The following ANK3 variants were observed in gnomAD, a reference collection of about 807,000 sequenced individuals.
ANK3 encodes the protein ankyrin 3.
Under a neutral mutation model 370.9 loss-of-function variants are expected in ANK3, and 57 were observed. The ratio of observed to expected loss-of-function variants is 0.15; its 90% CI spans 0.12 to 0.19. The LOEUF is 0.19. Ranked by LOEUF, ANK3 falls within the 10% of genes least tolerant of loss-of-function variation. The pLI is 1.00. For missense variants in ANK3, 4,439 were observed against 5,302.1 expected, an observed-to-expected ratio of 0.84 and a Z score of 5.06; for synonymous variants, 1,929 against 1,946.3, an observed-to-expected ratio of 0.99 and a Z score of 0.23.
chr10:60,053,703 T>C (rs2131904752), intron 42 of ANK3: 1 of 1,304,056 alleles, frequency 7.7e-7, no homozygotes, highest in South Asian at 1.2e-5. Flanking sequence ...GTCATCCGTG[T>C]AGGAGCCGCA....
chr10:60,537,488 GT>G (rs1351306745), intron 2 of ANK3, among the ~76,000 whole-genome samples: 5 of 151,814 alleles, frequency 3.3e-5, no homozygotes, highest in African/African-American at 4.8e-5. Flanking sequence ...GGATTAAGTG[GT>G]GGGATTAAGT....
intron 2 of ANK3, among the ~76,000 whole-genome samples, chr10:60,492,760 C>T (rs527974029): frequency 5.3e-4 from 74 of 140,072 alleles, no homozygotes; most frequent in Non-Finnish European, 8.7e-4. Context: ...AATGGCACTG[C>T]GTGTTTGGGG....
At chr10:60,079,218 CA>C (rs1270982286) in intron 36 of ANK3, among the ~76,000 whole-genome samples, 12 of 146,862 alleles carry the variant, frequency 8.2e-5, no homozygotes, top group Admixed American at 6.1e-4. Flanking sequence ...CACACACACA[CA>C]CACACACCCC....
chr10:60,192,531 A>G (rs2096506559), intron 16 of ANK3, among the ~76,000 whole-genome samples: 1 of 152,150 alleles, frequency 6.6e-6, no homozygotes, highest in Non-Finnish European at 1.5e-5. Context: ...AAAAAAGAAT[A>G]AAATTATGTC....
chr10:60,415,732 T>C (rs1266815676), intron 2 of ANK3, among the ~76,000 whole-genome samples: 1 of 152,162 alleles, frequency 6.6e-6, no homozygotes, highest in African/African-American at 2.4e-5. Flanking sequence ...AGGAGAGTCA[T>C]GGGGCTTTAA....
In ANK3 at chr10:60,492,060, G is replaced by A. The variant is rs1314962605; in HGVS notation, c.96+123126C>T. The stretch of plus-strand genomic sequence containing the variant: ...CCATTGCACTAATACCTACCATTGT[G>A]TTATTATCTTCTTACACTATTCAGT... On this transcript the variant is annotated intron_variant, in intron 2 of 43. Coordinates refer to the ANK3 transcript ENST00000373827. Among the ~76,000 whole-genome samples, 4 of 152,094 alleles carry A rather than the reference G, an allele frequency of 2.6e-5. No individual in the cohort carries two copies. In the East Asian group the frequency reaches 5.8e-4, roughly 22 times the overall value.
chr10:60,274,136 C>CT (rs1338624935), intron 4 of ANK3, among the ~76,000 whole-genome samples: 1 of 151,952 alleles, frequency 6.6e-6, no homozygotes, highest in Non-Finnish European at 1.5e-5. Context: ...CCACATCTGG[C>CT]TTTTTTATTT....
At chr10:60,209,572 G>C (rs2096820222) in intron 9 of ANK3, among the ~76,000 whole-genome samples, 1 of 152,112 alleles carries the variant, frequency 6.6e-6, no homozygotes, top group Non-Finnish European at 1.5e-5. Flanking sequence ...CAATTTAAAG[G>C]CCTCGTACAC....
intron 2 of ANK3, among the ~76,000 whole-genome samples, chr10:60,460,137 A>C (rs1469357228): frequency 1.3e-5 from 2 of 152,162 alleles, no homozygotes; most frequent in Non-Finnish European, 2.9e-5. Context: ...TCCTGAGCTT[A>C]GCTGTACGAT....
intron 2 of ANK3, among the ~76,000 whole-genome samples, chr10:60,611,912 A>G (rs116173233): frequency 7.5e-4 from 114 of 151,790 alleles, no homozygotes; most frequent in African/African-American, 2.6e-3. Context: ...AGAAATGGGG[A>G]AAGAATCAGA....
chr10:60,228,735 T>C (rs1274594260), intron 8 of ANK3, among the ~76,000 whole-genome samples: 1 of 152,082 alleles, frequency 6.6e-6, no homozygotes, highest in African/African-American at 2.4e-5. Flanking sequence ...GTCTAACTGA[T>C]GTAGAGCTAT....
chr10:60,176,196 C>CAAAAAAAAAAAAACAAACAAAA (rs553748635), intron 18 of ANK3, among the ~76,000 whole-genome samples: 1 of 136,432 alleles, frequency 7.3e-6, no homozygotes, highest in African/African-American at 2.7e-5. Flanking sequence ...AAAAAAAAAA[C>CAAAAAAAAAAAAACAAACAAAA]AAAAAAAAAC....
At chr10:60,226,527 AG>A (rs1287155623) in intron 8 of ANK3, among the ~76,000 whole-genome samples, 5 of 87,996 alleles carry the variant, frequency 5.7e-5, no homozygotes, top group Non-Finnish European at 7.6e-5. Flanking sequence ...TATATACTAT[AG>A]TATATATACA....
At chr10:60,084,940 G>A (rs576792823) in intron 31 of ANK3, 110 bp from the exon 32 acceptor site, 36 of 835,448 alleles carry the variant, frequency 4.3e-5, no homozygotes, top group African/African-American at 5.2e-5. Context: ...AACCCAAAAC[G>A]TTATTAACTT....
chr10:60,251,533 T>C (rs562772809), intron 7 of ANK3, among the ~76,000 whole-genome samples: 3 of 152,310 alleles, frequency 2.0e-5, no homozygotes, highest in African/African-American at 7.2e-5. Flanking sequence ...ACCACCACTG[T>C]GACAACCAAA....
In ANK3 at chr10:60,202,999, T is replaced by C. The variant is rs747690892; in HGVS notation, c.1392+3A>G. The C allele has an allele frequency of 6.2e-7, 1 of 1,602,524 alleles. No homozygotes were observed. The highest frequency in any genetic ancestry group is 8.5e-7 in the Non-Finnish European group (1 of 1,170,566). Reference sequence around the variant, plus strand: ...GGACCTCCTTTGTTCAAAGAATACTTACCACATTGGTGGTGTTTGGTGAGG... The same window carrying C: ...GGACCTCCTTTGTTCAAAGAATACTCACCACATTGGTGGTGTTTGGTGAGG... On this transcript the variant is annotated splice_donor_region_variant and intron_variant, in intron 12 of 43. Coordinates refer to ENST00000280772, the MANE Select transcript of ANK3 (RefSeq NM_020987.5).
intron 16 of ANK3, among the ~76,000 whole-genome samples, chr10:60,191,805 C>A (rs1347242990): frequency 1.3e-5 from 2 of 152,194 alleles, no homozygotes; most frequent in African/African-American, 4.8e-5. Context: ...ATGTTCATTG[C>A]AGCACCATTC....
At chr10:60,263,098 C>G (rs569934637) in intron 6 of ANK3, among the ~76,000 whole-genome samples, 13 of 152,222 alleles carry the variant, frequency 8.5e-5, no homozygotes, top group Non-Finnish European at 1.6e-4. Flanking sequence ...CAGATATAGA[C>G]TACACGTATA....
At chr10:60,558,799 T>C (rs902039749) in intron 2 of ANK3, among the ~76,000 whole-genome samples, 2 of 152,306 alleles carry the variant, frequency 1.3e-5, no homozygotes, top group East Asian at 1.9e-4. Flanking sequence ...AGTAAATATA[T>C]AATTTTCTAA....
Sources: allele counts gnomAD v4.1 joint callset (sites outside exome capture counted in the v4.1 genomes callset), GRCh38; gene constraint gnomAD v4.1.1; transcripts MANE v1.5; gene names NCBI Gene and HGNC (gene_info 2026-07-23, HGNC 2026-07-21).